Variants in PHACTR3 observed in about 807,000 individuals in gnomAD.
PHACTR3 encodes protein phosphatase 1, regulatory subunit 123.
A neutral mutation model predicts 66.8 loss-of-function variants in PHACTR3; 16 were observed. The observed-to-expected ratio is 0.24, with a 90% CI of 0.16 to 0.36. The LOEUF is 0.36. Among genes scored for constraint, PHACTR3 ranks in the 10% least tolerant of loss-of-function variants. PHACTR3 has a pLI of 1.00. For synonymous variants in PHACTR3, 323 were observed against 292.1 expected (o/e 1.11, Z -1.08); for missense variants, 647 against 719.9 (o/e 0.90, Z 1.16).
intron 1 of PHACTR3, among the ~76,000 whole-genome samples, chr20:59,668,916 T>TTTTATTTTATTTTAG (rs2036094923): frequency 6.6e-6 from 1 of 151,452 alleles, no homozygotes. Flanking sequence ...TTTTATTTTA[T>TTTTATTTTATTTTAG]TTTGTATTTT....
At chr20:59,598,355 C>T (rs1044276754) in intron 1 of PHACTR3, among the ~76,000 whole-genome samples, 1 of 152,220 alleles carries the variant, frequency 6.6e-6, no homozygotes, top group Admixed American at 6.5e-5. Context: ...AATGCCCACA[C>T]CCTGTAAGGT....
intron 12 of PHACTR3, 56 bp downstream of exon 12, chr20:59,845,321 T>TC (rs2059129299): frequency 2.0e-6 from 2 of 1,025,470 alleles, no homozygotes; most frequent in Admixed American, 4.2e-5. Context: ...CACACCGCCT[T>TC]CCCCCGTCCC....
chr20:59,590,033 T>C (rs1488311370), intron 1 of PHACTR3, among the ~76,000 whole-genome samples: 1 of 152,178 alleles, frequency 6.6e-6, no homozygotes, highest in African/African-American at 2.4e-5. Flanking sequence ...GCCCAGAACA[T>C]CCGCCCTGTG....
intron 1 of PHACTR3, among the ~76,000 whole-genome samples, chr20:59,710,925 G>A (rs1237870477): frequency 2.0e-5 from 3 of 151,954 alleles, no homozygotes; most frequent in Non-Finnish European, 4.4e-5. Context: ...TTCTTTTTGA[G>A]TCTAAAAGTA....
At chr20:59,753,652 C>T (rs902793195) in intron 3 of PHACTR3, among the ~76,000 whole-genome samples, 3 of 152,184 alleles carry the variant, frequency 2.0e-5, no homozygotes, top group South Asian at 2.1e-4. Flanking sequence ...ACCCTAGCTC[C>T]GTTAATTCTC....
intron 1 of PHACTR3, among the ~76,000 whole-genome samples, chr20:59,617,782 C>T (rs1002938829): frequency 1.3e-5 from 2 of 152,142 alleles, no homozygotes; most frequent in African/African-American, 2.4e-5. Context: ...TTTCTCCCTT[C>T]GTCCCTCCTT....
At chr20:59,661,048 G>C (rs1253794472) in intron 1 of PHACTR3, among the ~76,000 whole-genome samples, 4 of 152,202 alleles carry the variant, frequency 2.6e-5, no homozygotes, top group African/African-American at 9.6e-5. Context: ...TTTTCCTAAT[G>C]TCTGTTTCAG....
At chr20:59,815,418 G>GTTTTTTTTT (rs538438640) in intron 8 of PHACTR3, among the ~76,000 whole-genome samples, 7 of 131,750 alleles carry the variant, frequency 5.3e-5, no homozygotes, top group East Asian at 2.4e-4. Context: ...TGGGGTTCTG[G>GTTTTTTTTT]TTTTTTTTTT....
chr20:59,629,937 G>C (rs1348989538), intron 1 of PHACTR3, among the ~76,000 whole-genome samples: 1 of 152,084 alleles, frequency 6.6e-6, no homozygotes, highest in Non-Finnish European at 1.5e-5. Context: ...GGGGTTCTAG[G>C]CAGCCAAGGG....
In PHACTR3 at chr20:59,781,142, C is replaced by T. The variant is rs187176001; in HGVS notation, c.1174+6652C>T. ...TCAGTGAGAGTGTTGATGTCCCTGCCGCTGCATAGGTACATCTGTTCTCCA... is the reference window on the plus strand; with the variant it reads ...TCAGTGAGAGTGTTGATGTCCCTGCTGCTGCATAGGTACATCTGTTCTCCA... On this transcript the variant is annotated intron_variant, in intron 7 of 12. Coordinates refer to ENST00000371015, the MANE Select transcript of PHACTR3 (RefSeq NM_080672.5). 1.4e-3 allele frequency among the ~76,000 whole-genome samples: 218 copies of T among 152,338 alleles called. 1 individual carries two copies. Among genetic ancestry groups the T allele is most frequent in the African/African-American group, 5.1e-3 (210 of 41,582 alleles).
rs2041995348 is a variant in PHACTR3, at chr20:59,820,170, C to G, written c.1328+13976C>G. Among the ~76,000 whole-genome samples the G allele has an allele frequency of 6.6e-6, 1 of 152,154 alleles. No individual in the cohort carries two copies. The highest frequency in any genetic ancestry group is 2.4e-5 in the African/African-American group (1 of 41,440). On this transcript the variant is annotated intron_variant, in intron 8 of 12. Transcript: ENST00000371015. This position sits in a 1 kb window ranked among gnomAD's most constrained non-coding sequence, Gnocchi z 4.6. ...TTCACCACTGTGGTGAGGGGTCTGC[C>G]TGTGAACACTGCAGAGCCTCCAAGG...
intron 1 of PHACTR3, among the ~76,000 whole-genome samples, chr20:59,658,233 A>G (rs1049864517): frequency 2.6e-5 from 4 of 152,016 alleles, no homozygotes; most frequent in African/African-American, 9.7e-5. Flanking sequence ...AACAGTGTAC[A>G]TATTTATAAT....
At chr20:59,796,630 T>A (rs2041258057) in intron 7 of PHACTR3, among the ~76,000 whole-genome samples, 1 of 152,190 alleles carries the variant, frequency 6.6e-6, no homozygotes, top group Non-Finnish European at 1.5e-5. Context: ...GGATATAATA[T>A]TCTTGGTTAG....
chr20:59,655,725 C>T (rs542365812), intron 1 of PHACTR3, among the ~76,000 whole-genome samples: 2 of 151,814 alleles, frequency 1.3e-5, no homozygotes, highest in South Asian at 4.1e-4. Flanking sequence ...CTACTCTTTT[C>T]GAGTGGAGGA....
At chr20:59,816,078 T>C (rs1230800264) in intron 8 of PHACTR3, among the ~76,000 whole-genome samples, 1 of 152,002 alleles carries the variant, frequency 6.6e-6, no homozygotes, top group Non-Finnish European at 1.5e-5. Flanking sequence ...CACTGTAATA[T>C]AGAATCAGTG....
At chr20:59,577,893 G>A (rs1312219469) in intron 1 of PHACTR3, among the ~76,000 whole-genome samples, 1 of 152,262 alleles carries the variant, frequency 6.6e-6, no homozygotes, top group Non-Finnish European at 1.5e-5. Flanking sequence ...GACAGTCTGG[G>A]GTTTGGAATT....
chr20:59,825,087 T>C (rs2042147848), intron 8 of PHACTR3, among the ~76,000 whole-genome samples: 1 of 152,210 alleles, frequency 6.6e-6, no homozygotes, highest in East Asian at 1.9e-4. Flanking sequence ...CTTGAGAGGC[T>C]GTGCAGGGGC....
At chr20:59,747,401 G>A (rs1488291217) in intron 2 of PHACTR3, among the ~76,000 whole-genome samples, 1 of 152,230 alleles carries the variant, frequency 6.6e-6, no homozygotes, top group Admixed American at 6.5e-5. Context: ...CAGAGGGAGG[G>A]CACTTTCCTT....
intron 1 of PHACTR3, among the ~76,000 whole-genome samples, chr20:59,588,595 G>A (rs6070854): frequency 0.27 from 40,788 of 152,094 alleles, 6,073 homozygotes; most frequent in Non-Finnish European, 0.35. Context: ...TTTGAGTCCT[G>A]AGGCCTGTCC....
Sources: allele counts gnomAD v4.1 joint callset (sites outside exome capture counted in the v4.1 genomes callset), GRCh38; gene constraint gnomAD v4.1.1; non-coding constraint Gnocchi (gnomAD v3.1); transcripts MANE v1.5; gene names NCBI Gene and HGNC (gene_info 2026-07-23, HGNC 2026-07-21).